The following BEST3 variants were observed in gnomAD, a reference collection of about 807,000 sequenced individuals.
BEST3 encodes the protein bestrophin 3, also known as bestrophin-3.
In BEST3, 50 loss-of-function variants were observed where a neutral mutation model predicts 47.1. The observed-to-expected ratio is 1.06, with a 90% CI of 0.85 to 1.34. The LOEUF (loss-of-function observed/expected upper bound fraction) is 1.34, where lower values mean the gene tolerates loss of function less well. Among genes scored for constraint, BEST3 ranks in the 40% most tolerant of loss-of-function variants. BEST3 has a pLI of 0.00. For synonymous variants in BEST3, 282 were observed against 298.8 expected (o/e 0.94, Z 0.58); for missense variants, 765 against 817.0 (o/e 0.94, Z 0.78).
chr12:69,661,905 C>G (rs971008434), intron 9 of BEST3, among the ~76,000 whole-genome samples: 1 of 152,172 alleles, frequency 6.6e-6, no homozygotes. Flanking sequence ...TTTAAAGAGG[C>G]TTATCTAGCT....
chr12:69,695,513 A>G (rs1323262262), intron 2 of BEST3, among the ~76,000 whole-genome samples: 1 of 152,224 alleles, frequency 6.6e-6, no homozygotes, highest in Non-Finnish European at 1.5e-5. Flanking sequence ...TACTGAAGTC[A>G]GGGAAAGCTG....
chr12:69,655,580 CT>C lies in BEST3; in HGVS notation c.1333del (p.Arg445GlyfsTer40), dbSNP rs1883424908. ...GGATTTCTTCCAGGTGGGTGAGGCC[CT>C]GGGGGGGTTTCTTGAGGGCACATCC... The part of the protein sequence containing the change: ...LLDVPSRNPP[R>X]ASPTWKKSCF... On this transcript the variant is annotated frameshift_variant, in exon 10 of 10. Coordinates refer to ENST00000330891, the MANE Select transcript of BEST3 (RefSeq NM_032735.3). LOFTEE classifies it low-confidence loss of function (END_TRUNC). The C allele has an allele frequency of 6.2e-7, 1 of 1,613,818 alleles. No homozygotes were observed. Among genetic ancestry groups the C allele is most frequent in the Admixed American group, 1.7e-5 (1 of 59,964 alleles).
chr12:69,693,848 G>C lies in BEST3; in HGVS notation c.307C>G (p.Pro103Ala), dbSNP rs188063237. The change falls in exon 4 of 10, where the codon CCA (proline) becomes GCA (alanine). Residue 103 changes from proline (P) to alanine (A), a missense_variant. Coordinates refer to ENST00000330891, the MANE Select transcript of BEST3 (RefSeq NM_032735.3). Reference sequence around the variant, plus strand: ...GAGATGAGGAACATTAGCCTGTCTGGCCAGGGCAAATTCACAAACTGGTTC... The same window carrying C: ...GAGATGAGGAACATTAGCCTGTCTGCCCAGGGCAAATTCACAAACTGGTTC... ...WWNQFVNLPW[P>A]DRLMFLISSS... 40 of 1,613,748 alleles carry C rather than the reference G, an allele frequency of 2.5e-5. No individual in the cohort carries two copies. The South Asian group carries it at 4.3e-4, about 17-fold the overall frequency.
chr12:69,655,196 T>A lies in BEST3; in HGVS notation c.1718A>T (p.Glu573Val), dbSNP rs1314645052. 6.2e-6 allele frequency: 10 copies of A among 1,614,036 alleles called. No homozygotes were observed. Among genetic ancestry groups the A allele is most frequent in the Non-Finnish European group, 8.5e-6 (10 of 1,180,030 alleles). ...SPQTVSASAE[E>V]NIFNCEEDPG... ...GTCTTCTTCACAGTTGAATATATTTTCCTCAGCGCTGGCTGAAACTGTCTG... is the reference window on the plus strand; with the variant it reads ...GTCTTCTTCACAGTTGAATATATTTACCTCAGCGCTGGCTGAAACTGTCTG... Residue 573 changes from glutamate to valine, a missense_variant, in exon 10 of 10, where the codon GAA (glutamate) becomes GTA (valine). By Grantham distance (121) the Glu-to-Val change is moderately radical. Coordinates refer to ENST00000330891, the MANE Select transcript of BEST3 (RefSeq NM_032735.3).
chr12:69,655,725 G>C lies in BEST3; in HGVS notation c.1189C>G (p.Arg397Gly). Residue 397 changes from arginine (R) to glycine (G), a missense_variant, in exon 10 of 10, where the codon CGG (arginine) becomes GGG (glycine). Arg to Gly is a moderately radical substitution (Grantham distance 125, BLOSUM62 -2). Transcript: ENST00000330891. ...GGGTGTTCGTGGGCACTCAGGAACCGCTTGACTCTTCTTATCATGGAATGC... is the reference window on the plus strand; with the variant it reads ...GGGTGTTCGTGGGCACTCAGGAACCCCTTGACTCTTCTTATCATGGAATGC... Reference protein sequence around the residue: ...HRHSMIRRVKRFLSAHEHPSS... With the variant: ...HRHSMIRRVKGFLSAHEHPSS... 1 of 1,613,896 alleles carries C rather than the reference G, an allele frequency of 6.2e-7. No individual in the cohort carries two copies. The highest frequency in any genetic ancestry group is 1.1e-5 in the South Asian group (1 of 91,060).
intron 4 of BEST3, among the ~76,000 whole-genome samples, chr12:69,680,327 T>TTTTTTTTTTTTTTTTTTTG (rs1592357827): frequency 6.9e-6 from 1 of 145,488 alleles, no homozygotes; most frequent in Non-Finnish European, 1.5e-5. Flanking sequence ...TTTTTTTTTT[T>TTTTTTTTTTTTTTTTTTTG]AGATGGAGTC....
rs1013732737 is a variant in BEST3 at position 69,671,523 on chromosome 12, G to A, written c.1005C>T (p.Asp335=). The change falls in exon 9 of 10, where the codon GAC becomes GAT. Residue 335 remains aspartate (D), a synonymous_variant. Coordinates refer to ENST00000330891, the MANE Select transcript of BEST3 (RefSeq NM_032735.3). ...GAGCAGCAGAATCGTCCCAGTAAATGTCCTTCTTCATCTTGGGTAAGCTCA... is the reference window on the plus strand; with the variant it reads ...GAGCAGCAGAATCGTCCCAGTAAATATCCTTCTTCATCTTGGGTAAGCTCA... ...MHMSLPKMKK[D]IYWDDSAARP... is the part of the protein sequence containing the mutation. The A allele has an allele frequency of 6.2e-6, 10 of 1,613,770 alleles. No homozygotes were observed. The African/African-American group carries it at 8.0e-5, about 13-fold the overall frequency.
At chr12:69,692,826 G>A (rs910597433) in intron 4 of BEST3, among the ~76,000 whole-genome samples, 1 of 152,168 alleles carries the variant, frequency 6.6e-6, no homozygotes, top group African/African-American at 2.4e-5. Flanking sequence ...GCAATGGCAT[G>A]ATCTTGGCTC....
At chr12:69,690,880 A>C (rs1175907240) in intron 4 of BEST3, among the ~76,000 whole-genome samples, 1 of 152,104 alleles carries the variant, frequency 6.6e-6, no homozygotes, top group Non-Finnish European at 1.5e-5. Context: ...GAAGGATGGC[A>C]ATTAATTTTT....
At chr12:69,696,792 C>T (rs937634300) in intron 2 of BEST3, among the ~76,000 whole-genome samples, 1 of 152,072 alleles carries the variant, frequency 6.6e-6, no homozygotes, top group African/African-American at 2.4e-5. Flanking sequence ...AAATAACAAA[C>T]TATGAACATA....
chr12:69,645,525 T>G (rs1387013595), intron 9 of BEST3, among the ~76,000 whole-genome samples: 1 of 152,206 alleles, frequency 6.6e-6, no homozygotes, highest in Non-Finnish European at 1.5e-5. Context: ...GCTGATTGAC[T>G]GTTCATCAGT....
intron 4 of BEST3, 77 bp downstream of exon 4, chr12:69,693,597 A>G: frequency 5.7e-6 from 7 of 1,221,140 alleles, no homozygotes; most frequent in South Asian, 1.4e-5. Flanking sequence ...AAACAAACAT[A>G]AAGAATTTTC....
chr12:69,693,966 G>T, intron 3 of BEST3, 59 bp from the exon 4 acceptor site: 2 of 1,269,462 alleles, frequency 1.6e-6, no homozygotes, highest in South Asian at 1.4e-5. Context: ...TGGTGACACT[G>T]ATGCTTTTAG....
intron 9 of BEST3, among the ~76,000 whole-genome samples, chr12:69,656,532 T>G (rs1200637103): frequency 6.6e-6 from 1 of 152,150 alleles, no homozygotes; most frequent in South Asian, 2.1e-4. Flanking sequence ...CTCACATTTA[T>G]TGACTATATA....
At chr12:69,668,188 A>AT (rs1884346710) in intron 9 of BEST3, among the ~76,000 whole-genome samples, 1 of 152,182 alleles carries the variant, frequency 6.6e-6, no homozygotes, top group Non-Finnish European at 1.5e-5. Flanking sequence ...TATTGCTTTG[A>AT]TTTTAGAATA....
At chr12:69,665,622 CA>C (rs1171276102) in intron 9 of BEST3, among the ~76,000 whole-genome samples, 4 of 146,564 alleles carry the variant, frequency 2.7e-5, no homozygotes, top group South Asian at 2.2e-4. Context: ...AAAAAACAAA[CA>C]AAAAAAAAGG....
chr12:69,685,642 C>T (rs1343233811), intron 4 of BEST3, among the ~76,000 whole-genome samples: 1 of 152,150 alleles, frequency 6.6e-6, no homozygotes, highest in East Asian at 1.9e-4. Context: ...TTTCAGCATT[C>T]TCAGTCTGGG....
intron 7 of BEST3, among the ~76,000 whole-genome samples, chr12:69,674,818 A>C (rs910340321): frequency 1.3e-5 from 2 of 151,978 alleles, no homozygotes; most frequent in Non-Finnish European, 2.9e-5. Flanking sequence ...CTTAGAAAAC[A>C]TTTATAAATA....
chr12:69,644,255 C>T (rs375069812), intron 9 of BEST3, among the ~76,000 whole-genome samples: 7 of 152,290 alleles, frequency 4.6e-5, no homozygotes, highest in Middle Eastern at 3.4e-3. Flanking sequence ...GACATGGATA[C>T]AGTAGTTTAT....
Sources: gnomAD v4.1 joint callset for allele counts (sites outside exome capture counted in the v4.1 genomes callset) on GRCh38, gnomAD v4.1.1 for gene constraint, MANE v1.5 for transcripts, NCBI Gene and HGNC (gene_info 2026-07-23, HGNC 2026-07-21) for gene names.